PLEKHA8: variants seen among roughly 807,000 people sequenced by gnomAD.
PLEKHA8 encodes the protein pleckstrin homology domain-containing family A member 8.
PLEKHA8 carries 36 observed loss-of-function variants against 68.2 expected under a neutral mutation model. The ratio of observed to expected loss-of-function variants is 0.53; its 90% CI spans 0.40 to 0.70. The LOEUF is 0.70. Among genes scored for constraint, PLEKHA8 ranks in the 30% least tolerant of loss-of-function variants. The pLI is 0.00. For synonymous variants in PLEKHA8, 211 were observed against 216.1 expected, an observed-to-expected ratio of 0.98 and a Z score of 0.20; for missense variants, 505 against 615.4, an observed-to-expected ratio of 0.82 and a Z score of 1.90.
chr7:30,107,161 G>T (rs759726179), intron 13 of PLEKHA8, among the ~76,000 whole-genome samples: 32 of 152,026 alleles, frequency 2.1e-4, no homozygotes, highest in Non-Finnish European at 4.6e-4. Flanking sequence ...TCCTACCAAT[G>T]AATATAGTTT....
At position 30,055,267 on chromosome 7, in the gene PLEKHA8, A is replaced by T; in HGVS notation, c.964A>T (p.Ile322Phe). ...CACCAAATTATGTAGCTTTAGTGAC[A>T]TTGAACTTCTGGAAGACAGTGGCAT... ...FSTMNTSFSD[I>F]ELLEDSGIPT... The change falls in exon 9 of 14, where the codon ATT (isoleucine) becomes TTT (phenylalanine). Residue 322 changes from isoleucine (I) to phenylalanine (F), a missense_variant. By Grantham distance (21) the Ile-to-Phe change is conservative. Coordinates refer to ENST00000449726, the MANE Select transcript of PLEKHA8 (RefSeq NM_001197026.2). The T allele has an allele frequency of 6.2e-7, 1 of 1,614,070 alleles. No individual in the cohort carries two copies. The highest frequency in any genetic ancestry group is 8.5e-7 in the Non-Finnish European group (1 of 1,179,940).
chr7:30,115,981 C>CATGT, intron 13 of PLEKHA8: 1 of 137,434 alleles, frequency 7.3e-6, no homozygotes, highest in African/African-American at 2.6e-5. Flanking sequence ...TGCATGCATG[C>CATGT]ATGTATGCAT....
intron 7 of PLEKHA8, among the ~76,000 whole-genome samples, chr7:30,053,968 C>CA (rs1231978803): frequency 6.6e-6 from 1 of 152,160 alleles, no homozygotes; most frequent in Non-Finnish European, 1.5e-5. Flanking sequence ...ACATTGAACT[C>CA]ACGGTGAACA....
intron 12 of PLEKHA8, among the ~76,000 whole-genome samples, chr7:30,067,041 T>A (rs1330060071): frequency 6.6e-6 from 1 of 152,216 alleles, no homozygotes; most frequent in Non-Finnish European, 1.5e-5. Flanking sequence ...CAGGATTGGC[T>A]GGCAGCACAA....
downstream of PLEKHA8, among the ~76,000 whole-genome samples, chr7:30,094,291 CCAGA>C (rs1795523377): frequency 7.3e-6 from 1 of 137,578 alleles, no homozygotes; most frequent in African/African-American, 2.7e-5. Context: ...TTTTTTTTTT[CCAGA>C]CAGAGTCTTG....
At position 30,049,241 on chromosome 7, in the gene PLEKHA8, A is replaced by C; in HGVS notation, c.456A>C (p.Gly152=). 3.1e-6 allele frequency: 5 copies of C among 1,613,862 alleles called. No individual in the cohort carries two copies. Among genetic ancestry groups the C allele is most frequent in the Non-Finnish European group, 4.2e-6 (5 of 1,179,990 alleles). Residue 152 remains glycine, a synonymous_variant, in exon 5 of 14, where the codon GGA becomes GGC. Coordinates refer to ENST00000449726, the MANE Select transcript of PLEKHA8 (RefSeq NM_001197026.2). ...TTTCGTAGGAGGGAATTGATGTGGG[A>C]ACTTTGCTGAAATCAACCTGTAATA... ...VSNSEEGIDV[G]TLLKSTCNTF...
intron 13 of PLEKHA8, among the ~76,000 whole-genome samples, chr7:30,078,136 A>G (rs1794726224): frequency 6.6e-6 from 1 of 152,202 alleles, no homozygotes; most frequent in African/African-American, 2.4e-5. Context: ...TTATGGGGGA[A>G]AAATAGAAGA....
rs1795381226 is a variant in PLEKHA8 at position 30,090,702 on chromosome 7, AT to A, written c.*533del. On this transcript the variant is annotated 3_prime_UTR_variant, in exon 13 of 13. Transcript: ENST00000258679. ...TTTTTTCAAAAACACAATTTCTTAA[AT>A]TTTTTGGTAATCTTTTAAATAAACA... 2.2e-5 allele frequency: 15 copies of A among 671,708 alleles called. No individual in the cohort carries two copies. The South Asian group carries it at 5.5e-4, about 24-fold the overall frequency. The allele number at this position is 671,708 out of a possible 1,614,324, so 41.6% of individuals were successfully genotyped here.
chr7:30,099,718 C>T (rs1795779236), intron 13 of PLEKHA8, among the ~76,000 whole-genome samples: 1 of 152,148 alleles, frequency 6.6e-6, no homozygotes, highest in Admixed American at 6.5e-5. Flanking sequence ...AATCATTGAT[C>T]CAAAGAGGAA....
chr7:30,082,267 T>C lies in PLEKHA8; in HGVS notation c.*3480T>C. The C allele has an allele frequency of 1.0e-6, 1 of 985,506 alleles. No individual in the cohort carries two copies. The highest frequency in any genetic ancestry group is 1.7e-5 in the African/African-American group (1 of 57,370). The allele number at this position is 985,506 out of a possible 1,614,324, so 61.0% of individuals were successfully genotyped here. On this transcript the variant is annotated 3_prime_UTR_variant, in exon 14 of 14. Transcript: ENST00000449726. ...CCATAGTCCAGCGTTGTTGCTTTTC[T>C]CTCTTCTTTGCTACTGAAAATTGCC...
At chr7:30,103,805 C>T (rs897445784) in intron 13 of PLEKHA8, among the ~76,000 whole-genome samples, 1 of 152,106 alleles carries the variant, frequency 6.6e-6, no homozygotes, top group Non-Finnish European at 1.5e-5. Flanking sequence ...GTGAAAATTT[C>T]GGATAAAGCT....
chr7:30,115,920 GTGTA>G (rs879829090), intron 13 of PLEKHA8: 4,154 of 117,808 alleles, frequency 0.035, 332 homozygotes, highest in Middle Eastern at 0.055. Flanking sequence ...GCATGCGTGC[GTGTA>G]CATACATGTA....
intron 3 of PLEKHA8, among the ~76,000 whole-genome samples, chr7:30,047,357 C>T (rs1326468662): frequency 6.6e-6 from 1 of 152,098 alleles, no homozygotes; most frequent in African/African-American, 2.4e-5. Context: ...AACCAGTCCT[C>T]AGCTGAAATT....
rs772409813 is a variant in PLEKHA8 at position 30,054,771 on chromosome 7, A to G, written c.859A>G (p.Thr287Ala). The change falls in exon 8 of 14, where the codon ACT becomes GCT. Residue 287 changes from threonine (T) to alanine (A), a missense_variant. Coordinates refer to ENST00000449726, the MANE Select transcript of PLEKHA8 (RefSeq NM_001197026.2). ...CCTGAAAAATCATGACAATAACTTGACTCAGTCTGGATCAGACTCAAGTTG... is the reference window on the plus strand; with the variant it reads ...CCTGAAAAATCATGACAATAACTTGGCTCAGTCTGGATCAGACTCAAGTTG... ...ENLKNHDNNL[T>A]QSGSDSSCSP... The G allele has an allele frequency of 4.4e-6, 7 of 1,607,930 alleles. No homozygotes were observed. In the Admixed American group the frequency reaches 1.2e-4, roughly 27 times the overall value.
chr7:30,056,386 AATAT>A (rs1792931221), intron 9 of PLEKHA8, among the ~76,000 whole-genome samples: 2 of 137,540 alleles, frequency 1.5e-5, no homozygotes, highest in African/African-American at 5.3e-5. Context: ...ACATATATAT[AATAT>A]ATATAACACA....
chr7:30,128,689 C>T (rs1322974121), intron 13 of PLEKHA8, among the ~76,000 whole-genome samples: 1 of 152,072 alleles, frequency 6.6e-6, no homozygotes, highest in Non-Finnish European at 1.5e-5. Flanking sequence ...ATTTATGTTG[C>T]TATAAAAGAA....
intron 7 of PLEKHA8, among the ~76,000 whole-genome samples, chr7:30,053,979 G>A (rs1792621961): frequency 6.6e-6 from 1 of 152,166 alleles, no homozygotes; most frequent in African/African-American, 2.4e-5. Context: ...ACGGTGAACA[G>A]CACTATTACT....
Position 30,046,203 on chromosome 7 carries a change from C to G in PLEKHA8, c.158-7C>G. The G allele has an allele frequency of 6.3e-7, 1 of 1,588,314 alleles. No homozygotes were observed. The highest frequency in any genetic ancestry group is 8.6e-7 in the Non-Finnish European group (1 of 1,167,062). On this transcript the variant is annotated splice_polypyrimidine_tract_variant and splice_region_variant and intron_variant, in intron 2 of 13. Transcript: ENST00000449726. ...GAGTCTCTGATCTCCCTCTGTCTTGCTCCCAGTTCATTCTGTAGATAATAC... is the reference window on the plus strand; with the variant it reads ...GAGTCTCTGATCTCCCTCTGTCTTGGTCCCAGTTCATTCTGTAGATAATAC...
At chr7:30,076,587 A>G (rs1010673713) in intron 13 of PLEKHA8, among the ~76,000 whole-genome samples, 1 of 152,148 alleles carries the variant, frequency 6.6e-6, no homozygotes, top group South Asian at 2.1e-4. Context: ...AGACAGAGAA[A>G]CCTGAGACAC....
Sources: allele counts gnomAD v4.1 joint callset (sites outside exome capture counted in the v4.1 genomes callset), GRCh38; gene constraint gnomAD v4.1.1; transcripts MANE v1.5; gene names NCBI Gene and HGNC (gene_info 2026-07-23, HGNC 2026-07-21).